The following RPH3AL variants were observed in gnomAD, a reference collection of about 807,000 sequenced individuals.
RPH3AL encodes the protein rab effector Noc2.
RPH3AL carries 38 observed loss-of-function variants against 43.1 expected under a neutral mutation model. The observed-to-expected ratio is 0.88, with a 90% confidence interval of 0.68 to 1.15. The LOEUF (loss-of-function observed/expected upper bound fraction) is 1.15. Ranked by LOEUF, RPH3AL falls within the 50% of genes most tolerant of loss-of-function variation. The probability of loss-of-function intolerance (pLI) is 0.00; values close to 1 mark genes in which losing one functional copy is unlikely to be tolerated. For synonymous variants in RPH3AL, 189 were observed against 176.3 expected (o/e 1.07, Z -0.57); for missense variants, 462 against 423.2 (o/e 1.09, Z -0.81).
chr17:272,911 T>G (rs1036685225), intron 6 of RPH3AL, among the ~76,000 whole-genome samples: 8 of 148,872 alleles, frequency 5.4e-5, no homozygotes, highest in Non-Finnish European at 1.2e-4. Flanking sequence ...AGTGGCGACG[T>G]GAGATCCCAG....
rs1181182655 is a variant in RPH3AL, at chr17:289,055, C to T, written c.352-7201G>A. Among the ~76,000 whole-genome samples, 1 of 152,136 alleles carries T rather than the reference C, an allele frequency of 6.6e-6. No homozygotes were observed. The highest frequency in any genetic ancestry group is 2.4e-5 in the African/African-American group (1 of 41,426). ...GGGAGGGGGTTCCCCAGGGACCTGC[C>T]CACGGGACACAGGCTTTGGGGCAGG... On this transcript the variant is annotated intron_variant, in intron 5 of 9. Transcript: ENST00000331302. This position sits in a 1 kb window ranked among gnomAD's most constrained non-coding sequence, Gnocchi z 5.2.
Position 274,160 on chromosome 17 carries a change from C to T in RPH3AL, c.438+7608G>A, listed in dbSNP as rs1434485461. 1.3e-5 allele frequency among the ~76,000 whole-genome samples: 2 copies of T among 152,218 alleles called. No homozygotes were observed. Among genetic ancestry groups the T allele is most frequent in the African/African-American group, 4.8e-5 (2 of 41,448 alleles). On this transcript the variant is annotated intron_variant, in intron 6 of 9. Coordinates refer to ENST00000331302, the MANE Select transcript of RPH3AL (RefSeq NM_006987.4). This position sits in a 1 kb window ranked among gnomAD's most constrained non-coding sequence, Gnocchi z 4.7. ...TTTGCAACATCCTGTGCTTAGAAGC[C>T]GCCAGGGCCGTTCCTCCCAGCCCCA...
At position 215,012 on chromosome 17, in the gene RPH3AL, TC is replaced by T. The variant is rs926246400; in HGVS notation, c.876+641del. 6.6e-6 allele frequency among the ~76,000 whole-genome samples: 1 copy of T among 152,052 alleles called. No individual in the cohort carries two copies. Among genetic ancestry groups the T allele is most frequent in the African/African-American group, 2.4e-5 (1 of 41,404 alleles). On this transcript the variant is annotated intron_variant, in intron 9 of 9. Coordinates refer to ENST00000331302, the MANE Select transcript of RPH3AL (RefSeq NM_006987.4). This position sits in a 1 kb window ranked among gnomAD's most constrained non-coding sequence, Gnocchi z 4.1. ...GGAAGGAGAGAGGTGCGGCAGGCGT[TC>T]CTGTGGGTGGCTGCCGGGTGCCCTC...
intron 3 of RPH3AL, among the ~76,000 whole-genome samples, chr17:326,854 C>T (rs977282093): frequency 2.0e-5 from 3 of 152,042 alleles, no homozygotes; most frequent in Non-Finnish European, 4.4e-5. Context: ...CCAGCCTGGG[C>T]GACAAGAAAA....
At chr17:237,558 G>T (rs2041427791) in intron 7 of RPH3AL, among the ~76,000 whole-genome samples, 1 of 152,228 alleles carries the variant, frequency 6.6e-6, no homozygotes, top group Non-Finnish European at 1.5e-5. Context: ...CTGTGTCCCA[G>T]CCTGGGAGCT....
In RPH3AL at chr17:328,430, T is replaced by C. The variant is rs2151710252; in HGVS notation, c.-36-851A>G. On this transcript the variant is annotated intron_variant, in intron 2 of 9. Coordinates refer to ENST00000331302, the MANE Select transcript of RPH3AL (RefSeq NM_006987.4). The surrounding 1 kb of genome is among the most constrained non-coding windows in gnomAD (Gnocchi z 4.2). ...CCTGGTCTAATCCCAGCTAGGCCAG[T>C]GGTTCTCAAACCCAGGGCCCCTTTA... 6.6e-6 allele frequency among the ~76,000 whole-genome samples: 1 copy of C among 152,176 alleles called. No individual in the cohort carries two copies. The highest frequency in any genetic ancestry group is 6.6e-5 in the Admixed American group (1 of 15,260).
At chr17:237,596 G>T (rs539834390) in intron 7 of RPH3AL, among the ~76,000 whole-genome samples, 1 of 152,218 alleles carries the variant, frequency 6.6e-6, no homozygotes, top group Admixed American at 6.5e-5. Context: ...GGGCATGGAC[G>T]TGAGGAGGAA....
chr17:286,532 A>G (rs982382118), intron 5 of RPH3AL, among the ~76,000 whole-genome samples: 3 of 152,216 alleles, frequency 2.0e-5, no homozygotes, highest in Admixed American at 1.3e-4. Flanking sequence ...TAAATCTCAG[A>G]TCAATAAGGC....
At chr17:315,043 C>A (rs1320254644) in intron 5 of RPH3AL, among the ~76,000 whole-genome samples, 2 of 146,840 alleles carry the variant, frequency 1.4e-5, no homozygotes, top group Non-Finnish European at 3.0e-5. Context: ...AGTCCCTGTA[C>A]TCCACCTCCA....
chr17:327,510 G>C lies in RPH3AL; in HGVS notation c.34C>G (p.Gln12Glu). Residue 12 changes from glutamine (Q) to glutamate (E), a missense_variant, in exon 3 of 10, where the codon CAG (glutamine) becomes GAG (glutamate). Coordinates refer to ENST00000331302, the MANE Select transcript of RPH3AL (RefSeq NM_006987.4). Reference sequence around the variant, plus strand: ...TGCCGGTCATTGGGGCAAACCCACTGATCATTCCCGCTGCCGAAGATGGTG... The same window carrying C: ...TGCCGGTCATTGGGGCAAACCCACTCATCATTCCCGCTGCCGAAGATGGTG... The part of the protein sequence containing the change: ...ADTIFGSGND[Q>E]WVCPNDRQLA... The C allele has an allele frequency of 6.2e-7, 1 of 1,613,960 alleles. No homozygotes were observed. Among genetic ancestry groups the C allele is most frequent in the Non-Finnish European group, 8.5e-7 (1 of 1,179,974 alleles).
At chr17:292,306 C>A (rs1331223414) in intron 5 of RPH3AL, among the ~76,000 whole-genome samples, 2 of 152,254 alleles carry the variant, frequency 1.3e-5, no homozygotes, top group African/African-American at 4.8e-5. Flanking sequence ...AGCTCTGTTG[C>A]TATAGACGCT....
rs374141522 is a variant in RPH3AL, at chr17:290,564, G to A, written c.352-8710C>T. Among the ~76,000 whole-genome samples the A allele has an allele frequency of 2.6e-5, 4 of 152,016 alleles. No individual in the cohort carries two copies. Among genetic ancestry groups the A allele is most frequent in the East Asian group, 3.9e-4 (2 of 5,184 alleles). On this transcript the variant is annotated intron_variant, in intron 5 of 9. Coordinates refer to ENST00000331302, the MANE Select transcript of RPH3AL (RefSeq NM_006987.4). The surrounding 1 kb of genome is among the most constrained non-coding windows in gnomAD (Gnocchi z 4.2). The stretch of plus-strand genomic sequence containing the variant: ...CTTCAGTGACATTTCTGCTTCCTGC[G>A]ACTCCCCGTCCCACCCCTTCTCCTT...
chr17:237,093 A>G (rs9905036), intron 7 of RPH3AL, among the ~76,000 whole-genome samples: 85,140 of 152,064 alleles, frequency 0.56, 24,803 homozygotes, highest in African/African-American at 0.72. Flanking sequence ...GAAGACAGGT[A>G]GAGGGCGTGG....
chr17:253,475 T>G (rs1362139722), intron 6 of RPH3AL, among the ~76,000 whole-genome samples: 6 of 152,278 alleles, frequency 3.9e-5, no homozygotes, highest in Non-Finnish European at 8.8e-5. Context: ...ACCACGGTTT[T>G]GGCCTCCGGG....
chr17:306,111 T>C (rs2043480777), intron 5 of RPH3AL, among the ~76,000 whole-genome samples: 2 of 150,166 alleles, frequency 1.3e-5, no homozygotes, highest in Non-Finnish European at 3.0e-5. Context: ...TCTTCTCACC[T>C]TGGCCTCCCA....
At chr17:303,333 G>A (rs556927938) in intron 5 of RPH3AL, among the ~76,000 whole-genome samples, 4 of 152,128 alleles carry the variant, frequency 2.6e-5, no homozygotes, top group South Asian at 2.1e-4. Flanking sequence ...TGAGGCTGCC[G>A]TGAGCTAAGA....
At chr17:250,666 AC>A (rs1291215032) in intron 6 of RPH3AL, among the ~76,000 whole-genome samples, 3 of 148,578 alleles carry the variant, frequency 2.0e-5, no homozygotes, top group African/African-American at 7.5e-5. Flanking sequence ...TCGCTGCGGG[AC>A]CTCTCAGAGC....
intron 6 of RPH3AL, among the ~76,000 whole-genome samples, chr17:256,165 T>A (rs556841446): frequency 3.4e-4 from 4 of 11,690 alleles, no homozygotes; most frequent in African/African-American, 6.9e-4. Flanking sequence ...ATGACTACCC[T>A]ACGTACTTCC....
chr17:265,411 A>C (rs2042296945), intron 6 of RPH3AL, among the ~76,000 whole-genome samples: 1 of 152,200 alleles, frequency 6.6e-6, no homozygotes, highest in Admixed American at 6.5e-5. Flanking sequence ...TTGTAATATA[A>C]GTAATTAGAT....
Sources: gnomAD v4.1 joint callset for allele counts (sites outside exome capture counted in the v4.1 genomes callset) on GRCh38, gnomAD v4.1.1 for gene constraint, Gnocchi (gnomAD v3.1) non-coding constraint, MANE v1.5 for transcripts, NCBI Gene and HGNC (gene_info 2026-07-23, HGNC 2026-07-21) for gene names.